RET: variants seen among roughly 807,000 people sequenced by gnomAD.
The protein encoded by RET is ret proto-oncogene.
RET carries 19 observed loss-of-function variants against 118.3 expected under a neutral mutation model. That is an observed-to-expected ratio of 0.16 (90% CI 0.11 to 0.24). The LOEUF is 0.24. Among genes scored for constraint, RET ranks in the 10% least tolerant of loss-of-function variants. The pLI is 1.00. For missense variants in RET, 1,219 were observed against 1,502.1 expected, an observed-to-expected ratio of 0.81 and a Z score of 3.12; for synonymous variants, 597 against 644.1, an observed-to-expected ratio of 0.93 and a Z score of 1.11.
intron 1 of RET, among the ~76,000 whole-genome samples, chr10:43,088,999 C>G (rs1034487474): frequency 6.6e-6 from 1 of 152,204 alleles, no homozygotes; most frequent in African/African-American, 2.4e-5. Context: ...GGCTGCAGCC[C>G]AGAGCAGTCC....
At chr10:43,091,601 A>T (rs1837411400) in intron 1 of RET, among the ~76,000 whole-genome samples, 2 of 150,816 alleles carry the variant, frequency 1.3e-5, no homozygotes. Context: ...ACTGCACTCC[A>T]GCCTGGGTGA....
At position 43,119,755 on chromosome 10, in the gene RET, T is replaced by A. The variant is rs1319934228; in HGVS notation, c.2607+10T>A. 6.2e-7 allele frequency: 1 copy of A among 1,611,738 alleles called. No individual in the cohort carries two copies. The highest frequency in any genetic ancestry group is 8.5e-7 in the Non-Finnish European group (1 of 1,179,366). ...TCTGGCCGAGATGAAGGTGCGTGCA[T>A]ATGGCTCTGCACCCAGCCAGCCCCG... On this transcript the variant is annotated intron_variant, in intron 14 of 19. Transcript: ENST00000355710.
chr10:43,094,513 T>C (rs1837480514), intron 1 of RET, among the ~76,000 whole-genome samples: 1 of 152,114 alleles, frequency 6.6e-6, no homozygotes, highest in Non-Finnish European at 1.5e-5. Context: ...CCTAGGGAAG[T>C]TTTTCATGGT....
rs140658743 is a variant in RET, at chr10:43,118,386, G to T, written c.2298G>T (p.Pro766=). 1 of 1,613,980 alleles carries T rather than the reference G, an allele frequency of 6.2e-7. No individual in the cohort carries two copies. The highest frequency in any genetic ancestry group is 8.5e-7 in the Non-Finnish European group (1 of 1,179,922). ...GCTGCATTTCAGAGAACGCCTCCCCGAGTGAGCTGCGAGACCTGCTGTCAG... is the reference window on the plus strand; with the variant it reads ...GCTGCATTTCAGAGAACGCCTCCCCTAGTGAGCTGCGAGACCTGCTGTCAG... ...AVKMLKENAS[P]SELRDLLSEF... The change falls in exon 13 of 20, where the codon CCG becomes CCT. Residue 766 remains proline (P), a synonymous_variant. Coordinates refer to ENST00000355710, the MANE Select transcript of RET (RefSeq NM_020975.6).
chr10:43,091,641 A>C (rs982130491), intron 1 of RET, among the ~76,000 whole-genome samples: 92 of 151,450 alleles, frequency 6.1e-4, no homozygotes, highest in African/African-American at 2.1e-3. Flanking sequence ...AAAAAAAAAA[A>C]AAACCCAACA....
chr10:43,099,557 T>TAAATAAAA (rs1554817287), intron 1 of RET, among the ~76,000 whole-genome samples: 7 of 150,226 alleles, frequency 4.7e-5, no homozygotes, highest in Admixed American at 3.3e-4. Context: ...AATAAATAAA[T>TAAATAAAA]AAAAATTACA....
Position 43,114,504 on chromosome 10 carries a change from G to A in RET, c.1904G>A (p.Arg635His), listed in dbSNP as rs776164321. Residue 635 changes from arginine to histidine, a missense_variant, in exon 11 of 20, where the codon CGC becomes CAC. By Grantham distance (29) the Arg-to-His change is conservative. Transcript: ENST00000355710. The surrounding 1 kb of genome is among the most constrained non-coding windows in gnomAD (Gnocchi z 4.6). ...IQDPLCDELC[R>H]TVIAAAVLFS... Reference sequence around the variant, plus strand: ...GATCCACTGTGCGACGAGCTGTGCCGCACGGTGATCGCAGCCGCTGTCCTC... The same window carrying A: ...GATCCACTGTGCGACGAGCTGTGCCACACGGTGATCGCAGCCGCTGTCCTC... 1.0e-5 allele frequency: 16 copies of A among 1,607,596 alleles called. No homozygotes were observed. The highest frequency in any genetic ancestry group is 5.0e-5 in the Admixed American group (3 of 59,954).
At chr10:43,122,759 T>G (rs1838246000) in intron 16 of RET, among the ~76,000 whole-genome samples, 1 of 152,136 alleles carries the variant, frequency 6.6e-6, no homozygotes, top group Non-Finnish European at 1.5e-5. Context: ...AGGCACGTGC[T>G]ACTTCGCCTG....
At chr10:43,113,253 C>T (rs887249146) in intron 9 of RET, among the ~76,000 whole-genome samples, 4 of 152,202 alleles carry the variant, frequency 2.6e-5, no homozygotes, top group Non-Finnish European at 5.9e-5. Flanking sequence ...AGGGAAAGTG[C>T]GGCCCTGAGC....
At chr10:43,101,232 T>C (rs967161509) in intron 2 of RET, among the ~76,000 whole-genome samples, 1 of 151,658 alleles carries the variant, frequency 6.6e-6, no homozygotes, top group Non-Finnish European at 1.5e-5. Context: ...ACATGTGACA[T>C]TGGTAATGGG....
intron 19 of RET, chr10:43,127,216 G>A (rs1162816682): frequency 1.0e-5 from 11 of 1,082,510 alleles, no homozygotes; most frequent in Non-Finnish European, 1.1e-5. Flanking sequence ...CGGCACTGGC[G>A]AGCAGCCACT....
intron 1 of RET, among the ~76,000 whole-genome samples, chr10:43,080,094 G>C (rs1423142987): frequency 6.6e-6 from 1 of 152,264 alleles, no homozygotes; most frequent in Non-Finnish European, 1.5e-5. Context: ...TTAGGGACAG[G>C]CTGAGGAAAT....
intron 12 of RET, among the ~76,000 whole-genome samples, chr10:43,116,938 CTG>C (rs1177569518): frequency 1.3e-5 from 2 of 152,250 alleles, no homozygotes; most frequent in Non-Finnish European, 2.9e-5. Context: ...AGAGGTGTTG[CTG>C]TGCCAGTGCC....
intron 18 of RET, among the ~76,000 whole-genome samples, chr10:43,125,234 C>T (rs780711729): frequency 1.3e-5 from 2 of 152,216 alleles, no homozygotes; most frequent in Non-Finnish European, 1.5e-5. Context: ...TCTCTACAGA[C>T]AGGCATGGGA....
At chr10:43,118,323 A>C (rs1838120483) in intron 12 of RET, 50 bp from the exon 13 acceptor site, 1 of 1,452,354 alleles carries the variant, frequency 6.9e-7, no homozygotes, top group Non-Finnish European at 9.6e-7. Flanking sequence ...TGGTCATGGA[A>C]GGGGCTTCCA....
chr10:43,108,521 C>T (rs575712550), intron 5 of RET, among the ~76,000 whole-genome samples: 27 of 152,300 alleles, frequency 1.8e-4, no homozygotes, highest in African/African-American at 6.5e-4. Flanking sequence ...AAGGCAAGTC[C>T]ACCCTGCCTT....
Position 43,116,743 on chromosome 10 carries a change from G to T in RET, c.2284+12G>T, listed in dbSNP as rs1838080516. The T allele has an allele frequency of 6.7e-7, 1 of 1,499,826 alleles. No homozygotes were observed. Among genetic ancestry groups the T allele is most frequent in the Non-Finnish European group, 9.1e-7 (1 of 1,099,880 alleles). 92.9% of individuals were successfully genotyped at this position (1,499,826 alleles called of 1,614,324 possible). On this transcript the variant is annotated intron_variant, in intron 12 of 19. Coordinates refer to ENST00000355710, the MANE Select transcript of RET (RefSeq NM_020975.6). ...GAAGATGCTGAAAGGTACCTGCCAG[G>T]CACAGGCACAGTGCCCCTGGGGGAG...
At chr10:43,086,193 T>G (rs566098557) in intron 1 of RET, among the ~76,000 whole-genome samples, 7 of 152,224 alleles carry the variant, frequency 4.6e-5, no homozygotes, top group African/African-American at 7.2e-5. Context: ...GCTGCCTCAT[T>G]TTCCTCCTGT....
At chr10:43,126,766 C>G (rs1415764549) in intron 19 of RET, 44 bp downstream of exon 19, 1 of 1,608,574 alleles carries the variant, frequency 6.2e-7, no homozygotes, top group Non-Finnish European at 8.5e-7. Context: ...ACCGCTGTCC[C>G]CTTTGCACTA....
Sources: gnomAD v4.1 joint callset for allele counts (sites outside exome capture counted in the v4.1 genomes callset) on GRCh38, gnomAD v4.1.1 for gene constraint, Gnocchi (gnomAD v3.1) non-coding constraint, MANE v1.5 for transcripts, NCBI Gene and HGNC (gene_info 2026-07-23, HGNC 2026-07-21) for gene names.